The following SLC25A36 variants were observed in gnomAD, a reference collection of about 807,000 sequenced individuals.
SLC25A36 encodes the protein solute carrier family 25 member 36, also known as epididymis secretory sperm binding protein.
Under a neutral mutation model 35.3 loss-of-function variants are expected in SLC25A36, and 24 were observed. The ratio of observed to expected loss-of-function variants is 0.68; its 90% CI spans 0.49 to 0.96. SLC25A36 has a LOEUF of 0.96. SLC25A36 is among the 40% of genes least tolerant of loss of function. SLC25A36 has a pLI of 0.00. For synonymous variants in SLC25A36, 141 were observed against 132.2 expected, an observed-to-expected ratio of 1.07 and a Z score of -0.46; for missense variants, 294 against 381.1, an observed-to-expected ratio of 0.77 and a Z score of 1.90.
chr3:140,951,653 TTGTG>T (rs530126974), intron 1 of SLC25A36, among the ~76,000 whole-genome samples: 1 of 151,292 alleles, frequency 6.6e-6, no homozygotes, highest in Non-Finnish European at 1.5e-5. Context: ...CTGGCTAATT[TTGTG>T]TGTGTGTGTG....
intron 1 of SLC25A36, among the ~76,000 whole-genome samples, chr3:140,954,645 CTG>C (rs1227758505): frequency 6.6e-6 from 1 of 152,172 alleles, no homozygotes; most frequent in Non-Finnish European, 1.5e-5. Flanking sequence ...TTGCAGAATT[CTG>C]TGTGTTTATT....
At chr3:140,960,359 G>A (rs79354755) in intron 3 of SLC25A36, among the ~76,000 whole-genome samples, 1 of 151,948 alleles carries the variant, frequency 6.6e-6, no homozygotes, top group Admixed American at 6.6e-5. Flanking sequence ...ATTTTCCTTG[G>A]GCCAAAAGGC....
chr3:140,961,788 G>A (rs1381490003), intron 3 of SLC25A36, among the ~76,000 whole-genome samples: 4 of 148,402 alleles, frequency 2.7e-5, no homozygotes, highest in African/African-American at 5.0e-5. Context: ...CCCGGGAGGC[G>A]GAGCTTGCAG....
chr3:140,975,127 TGATAG>T (rs1391046215), intron 6 of SLC25A36, among the ~76,000 whole-genome samples: 6 of 122,672 alleles, frequency 4.9e-5, no homozygotes, highest in East Asian at 2.1e-4. Flanking sequence ...TTTTTTTTTT[TGATAG>T]GATCTCACTG....
chr3:140,954,342 A>G (rs753738983), intron 1 of SLC25A36, among the ~76,000 whole-genome samples: 1 of 152,352 alleles, frequency 6.6e-6, no homozygotes, highest in African/African-American at 2.4e-5. Context: ...AAGTATAGCT[A>G]TTATAAACAT....
At chr3:140,957,262 T>C (rs1016477272) in intron 2 of SLC25A36, among the ~76,000 whole-genome samples, 4 of 152,256 alleles carry the variant, frequency 2.6e-5, no homozygotes, top group Non-Finnish European at 5.9e-5. Context: ...TTGTAAATAA[T>C]GGAATGCCTT....
chr3:140,951,625 A>T (rs1934325785), intron 1 of SLC25A36, among the ~76,000 whole-genome samples: 3 of 151,972 alleles, frequency 2.0e-5, no homozygotes, highest in Admixed American at 2.0e-4. Context: ...CTAAGATTAC[A>T]GGCGTGCACC....
Position 140,977,460 on chromosome 3 carries a change from AT to A in SLC25A36, c.*1008del, listed in dbSNP as rs1935077379. The A allele has an allele frequency of 6.6e-6, 1 of 152,104 alleles. No homozygotes were observed. Among genetic ancestry groups the A allele is most frequent in the Admixed American group, 6.5e-5 (1 of 15,270 alleles). 9.4% of individuals were successfully genotyped at this position (152,104 alleles called of 1,614,324 possible). A position where few individuals can be genotyped will look rare whatever the true frequency, so the allele number is the denominator to read the frequency against. ...GGTGACAATATTTGGGACAGTATAAATATTATAGACAAGGGCCCCCTTGCTG... is the reference window on the plus strand; with the variant it reads ...GGTGACAATATTTGGGACAGTATAAAATTATAGACAAGGGCCCCCTTGCTG... On this transcript the variant is annotated 3_prime_UTR_variant, in exon 7 of 7. Transcript: ENST00000324194.
At chr3:140,971,981 A>G (rs1934915677) in intron 5 of SLC25A36, among the ~76,000 whole-genome samples, 1 of 152,204 alleles carries the variant, frequency 6.6e-6, no homozygotes, top group African/African-American at 2.4e-5. Context: ...GTTGAACTAT[A>G]TACTATTTGG....
chr3:140,961,593 C>T (rs1012809404), intron 3 of SLC25A36, among the ~76,000 whole-genome samples: 1 of 152,006 alleles, frequency 6.6e-6, no homozygotes, highest in African/African-American at 2.4e-5. Flanking sequence ...GAGTGGCTCA[C>T]ACCTGTAATC....
intron 1 of SLC25A36, chr3:140,942,709 T>A (rs1934049025): frequency 6.6e-6 from 1 of 152,250 alleles, no homozygotes; most frequent in African/African-American, 2.4e-5. Flanking sequence ...GGCCGCTCAT[T>A]TCCGGGCTCG....
chr3:140,945,559 C>T (rs1016071212), intron 1 of SLC25A36, among the ~76,000 whole-genome samples: 1 of 151,896 alleles, frequency 6.6e-6, no homozygotes, highest in Non-Finnish European at 1.5e-5. Context: ...TTCTTGAGAC[C>T]CTTGTTGTGG....
intron 3 of SLC25A36, among the ~76,000 whole-genome samples, chr3:140,961,949 T>A (rs890016013): frequency 6.6e-6 from 1 of 151,572 alleles, no homozygotes; most frequent in Admixed American, 6.6e-5. Context: ...CCATCTTTTT[T>A]AAATACTTAC....
Position 140,971,382 on chromosome 3 carries a change from C to T in SLC25A36, c.452+389C>T, listed in dbSNP as rs559276467. Among the ~76,000 whole-genome samples, 26 of 151,984 alleles carry T rather than the reference C, an allele frequency of 1.7e-4. No homozygotes were observed. The East Asian group carries it at 5.0e-3, about 29-fold the overall frequency. The stretch of plus-strand genomic sequence containing the variant: ...TAGTCTAGACTGAATCTTTGAGGAT[C>T]ATTGCTCAAATTTAGTGACCTTGTG... On this transcript the variant is annotated intron_variant, in intron 5 of 6. Coordinates refer to ENST00000324194, the MANE Select transcript of SLC25A36 (RefSeq NM_001104647.3).
At chr3:140,962,679 A>G (rs994855455) in intron 3 of SLC25A36, among the ~76,000 whole-genome samples, 2 of 152,094 alleles carry the variant, frequency 1.3e-5, no homozygotes, top group African/African-American at 4.8e-5. Context: ...TACCATATCT[A>G]CTTATCTTCA....
Position 140,977,151 on chromosome 3 carries a change from T to A in SLC25A36, c.*698T>A, listed in dbSNP as rs2680674. On this transcript the variant is annotated 3_prime_UTR_variant, in exon 7 of 7. Coordinates refer to ENST00000324194, the MANE Select transcript of SLC25A36 (RefSeq NM_001104647.3). Reference sequence around the variant, plus strand: ...CTAGTAAAATGTTGATTTCTCGGCTTTTTCACTGACTGCGGCATGTCCTCG... The same window carrying A: ...CTAGTAAAATGTTGATTTCTCGGCTATTTCACTGACTGCGGCATGTCCTCG... The A allele has an allele frequency of 0.95, 144,635 of 152,264 alleles. 69,066 individuals carry two copies. The highest frequency in any genetic ancestry group is 1 in the Non-Finnish European group (67,968 of 68,032). 9.4% of individuals were successfully genotyped at this position (152,264 alleles called of 1,614,324 possible). A position where few individuals can be genotyped will look rare whatever the true frequency, so the allele number is the denominator to read the frequency against.
At position 140,963,204 on chromosome 3, in the gene SLC25A36, A is replaced by C. The variant is rs1243875490; in HGVS notation, c.362A>C (p.His121Pro). The stretch of plus-strand genomic sequence containing the variant: ...TTTGATCCTGATTCTACCCAAGTAC[A>C]TATGATTTCAGCTGCAATGGCAGGT... ...DVFDPDSTQV[H>P]MISAAMAGFT... Residue 121 changes from histidine to proline, a missense_variant, in exon 4 of 7, where the codon CAT becomes CCT. Physicochemically the swap from His to Pro is moderately conservative, Grantham distance 77 (BLOSUM62 -2). Transcript: ENST00000324194. 1 of 1,588,840 alleles carries C rather than the reference A, an allele frequency of 6.3e-7. No homozygotes were observed. Among genetic ancestry groups the C allele is most frequent in the East Asian group, 2.3e-5 (1 of 44,150 alleles).
intron 3 of SLC25A36, among the ~76,000 whole-genome samples, chr3:140,962,142 T>C (rs889993706): frequency 3.3e-5 from 5 of 152,168 alleles, no homozygotes; most frequent in Admixed American, 3.3e-4. Context: ...GCATTGTTTA[T>C]TCCTCTTCCC....
At chr3:140,973,466 G>A (rs1248688631) in intron 5 of SLC25A36, among the ~76,000 whole-genome samples, 1 of 152,140 alleles carries the variant, frequency 6.6e-6, no homozygotes, top group Non-Finnish European at 1.5e-5. Context: ...GAACCCCAAT[G>A]AGGACATGAG....
Sources: gnomAD v4.1 joint callset for allele counts (sites outside exome capture counted in the v4.1 genomes callset) on GRCh38, gnomAD v4.1.1 for gene constraint, MANE v1.5 for transcripts, NCBI Gene and HGNC (gene_info 2026-07-23, HGNC 2026-07-21) for gene names.